Variants in CTNNA2 observed in about 807,000 individuals in gnomAD.
CTNNA2 encodes catenin alpha 2.
Under a neutral mutation model 101.0 loss-of-function variants are expected in CTNNA2, and 42 were observed. That is an observed-to-expected ratio of 0.42 (90% CI 0.32 to 0.54). CTNNA2 has a LOEUF of 0.54. CTNNA2 is among the 20% of genes least tolerant of loss of function. CTNNA2 has a pLI of 0.14. For missense variants in CTNNA2, 871 were observed against 1,223.1 expected, an observed-to-expected ratio of 0.71 and a Z score of 4.29; for synonymous variants, 450 against 456.4, an observed-to-expected ratio of 0.99 and a Z score of 0.18.
At chr2:80,298,956 A>G (rs1676000575) in intron 7 of CTNNA2, 1 of 152,150 alleles carries the variant, frequency 6.6e-6, no homozygotes. Context: ...CTAAAAAACT[A>G]CTAGGGCTAA....
intron 5 of CTNNA2, among the ~76,000 whole-genome samples, chr2:79,505,931 T>G (rs529636298): frequency 2.6e-5 from 4 of 152,308 alleles, no homozygotes; most frequent in Non-Finnish European, 5.9e-5. Flanking sequence ...GTGTCAAAAT[T>G]GTCTTGAATG....
intron 4 of CTNNA2, among the ~76,000 whole-genome samples, chr2:79,454,012 G>A (rs535457361): frequency 6.6e-6 from 1 of 152,184 alleles, no homozygotes; most frequent in Non-Finnish European, 1.5e-5. Flanking sequence ...AAGCCCCTCA[G>A]TTCTGATGGA....
chr2:80,508,655 C>A (rs1411734968), intron 9 of CTNNA2, among the ~76,000 whole-genome samples: 1 of 147,604 alleles, frequency 6.8e-6, no homozygotes, highest in Non-Finnish European at 1.5e-5. Context: ...TTTCCTTGAA[C>A]TGTGCTATGG....
chr2:80,033,527 C>T (rs181603392), intron 7 of CTNNA2, among the ~76,000 whole-genome samples: 158 of 152,056 alleles, frequency 1.0e-3, no homozygotes, highest in African/African-American at 3.5e-3. Flanking sequence ...GTGAGTGACC[C>T]GTGATCAGGC....
intron 7 of CTNNA2, among the ~76,000 whole-genome samples, chr2:80,385,824 G>T (rs1676943699): frequency 2.0e-5 from 3 of 152,054 alleles, no homozygotes; most frequent in Non-Finnish European, 4.4e-5. Flanking sequence ...TCTAGTACCA[G>T]TTTATCAATC....
intron 1 of CTNNA2, among the ~76,000 whole-genome samples, chr2:79,186,286 A>G (rs896837074): frequency 6.6e-6 from 1 of 152,194 alleles, no homozygotes; most frequent in African/African-American, 2.4e-5. Context: ...TATAGACATG[A>G]ATTTATCCAT....
At chr2:80,094,799 T>C (rs1257203070) in intron 7 of CTNNA2, among the ~76,000 whole-genome samples, 3 of 152,210 alleles carry the variant, frequency 2.0e-5, no homozygotes, top group African/African-American at 7.2e-5. Context: ...ATGATTTGGC[T>C]CTCTGTTTGT....
intron 7 of CTNNA2, among the ~76,000 whole-genome samples, chr2:80,091,382 C>T (rs1310304783): frequency 6.6e-6 from 1 of 152,074 alleles, no homozygotes; most frequent in Admixed American, 6.5e-5. Context: ...TTTCCAAGGT[C>T]TGCAGGACCA....
chr2:79,936,248 A>AT (rs11352516), intron 7 of CTNNA2, among the ~76,000 whole-genome samples: 6 of 143,818 alleles, frequency 4.2e-5, no homozygotes, highest in African/African-American at 1.3e-4. Context: ...TCATGCTGGG[A>AT]TTTTTTTTTT....
At chr2:79,777,165 C>T (rs1304889555) in intron 3 of CTNNA2, 2 of 152,106 alleles carry the variant, frequency 1.3e-5, no homozygotes, top group East Asian at 3.9e-4. Flanking sequence ...GAGTAGGGTT[C>T]ATGGGAATCT....
chr2:80,112,140 G>A lies in CTNNA2; in HGVS notation c.1056+202343G>A, dbSNP rs145815678. 2.4e-3 allele frequency among the ~76,000 whole-genome samples: 372 copies of A among 152,268 alleles called. 3 individuals are homozygous for A. Among genetic ancestry groups the A allele is most frequent in the African/African-American group, 8.1e-3 (336 of 41,564 alleles). Reference sequence around the variant, plus strand: ...ATAAGGATTTAAAGTAAGACAGGGCGATGAGATAAAGTAGGGGTGGGGCCT... The same window carrying A: ...ATAAGGATTTAAAGTAAGACAGGGCAATGAGATAAAGTAGGGGTGGGGCCT... On this transcript the variant is annotated intron_variant, in intron 7 of 18. Transcript: ENST00000402739.
At chr2:80,645,067 T>TA (rs1673918652) in intron 18 of CTNNA2, among the ~76,000 whole-genome samples, 1 of 152,214 alleles carries the variant, frequency 6.6e-6, no homozygotes, top group South Asian at 2.1e-4. Flanking sequence ...CATTTAATAA[T>TA]ACAAGAGCAA....
At chr2:80,508,654 A>G (rs1344872099) in intron 9 of CTNNA2, among the ~76,000 whole-genome samples, 2 of 150,254 alleles carry the variant, frequency 1.3e-5, no homozygotes, top group African/African-American at 2.5e-5. Flanking sequence ...ATTTCCTTGA[A>G]CTGTGCTATG....
chr2:80,109,262 C>A (rs115218943), intron 7 of CTNNA2, among the ~76,000 whole-genome samples: 1,996 of 152,132 alleles, frequency 0.013, 18 homozygotes, highest in Middle Eastern at 0.024. Flanking sequence ...AGACTGAGGC[C>A]ATCCTGGCCA....
At chr2:79,867,686 T>G (rs1217382598) in intron 4 of CTNNA2, among the ~76,000 whole-genome samples, 9 of 152,088 alleles carry the variant, frequency 5.9e-5, no homozygotes, top group Admixed American at 4.6e-4. Flanking sequence ...AGAAAACCAC[T>G]GAGAAAATAA....
At chr2:80,570,696 C>G (rs1207745284) in intron 12 of CTNNA2, among the ~76,000 whole-genome samples, 1 of 152,084 alleles carries the variant, frequency 6.6e-6, no homozygotes, top group African/African-American at 2.4e-5. Context: ...AGAACTTGTA[C>G]CCTCTCCCCT....
At chr2:79,780,092 A>G (rs1674311299) in intron 3 of CTNNA2, among the ~76,000 whole-genome samples, 1 of 152,174 alleles carries the variant, frequency 6.6e-6, no homozygotes, top group South Asian at 2.1e-4. Context: ...TATTGGTAAT[A>G]ACTCTTTCAA....
chr2:80,333,562 C>T (rs143923061), intron 7 of CTNNA2, among the ~76,000 whole-genome samples: 188 of 152,282 alleles, frequency 1.2e-3, no homozygotes, highest in African/African-American at 4.3e-3. Context: ...TTCCTTTTAC[C>T]TGCATAATAC....
At chr2:79,512,825 A>C (rs1671592290), upstream of CTNNA2, among the ~76,000 whole-genome samples, 13 of 144,042 alleles carry the variant, frequency 9.0e-5, no homozygotes, top group South Asian at 4.9e-4. Flanking sequence ...GCGGCCCCCC[A>C]CCCAGCCACC....
Sources: allele counts gnomAD v4.1 joint callset (sites outside exome capture counted in the v4.1 genomes callset), GRCh38; gene constraint gnomAD v4.1.1; transcripts MANE v1.5; gene names NCBI Gene and HGNC (gene_info 2026-07-23, HGNC 2026-07-21).